The following WLS variants were observed in gnomAD, a reference collection of about 807,000 sequenced individuals.
WLS encodes protein wntless homolog.
Under a neutral mutation model 62.8 loss-of-function variants are expected in WLS, and 23 were observed. The observed-to-expected ratio is 0.37, with a 90% CI of 0.26 to 0.52. The LOEUF (loss-of-function observed/expected upper bound fraction) is 0.52, where lower values mean the gene tolerates loss of function less well. WLS is among the 20% of genes least tolerant of loss of function. The probability of loss-of-function intolerance (pLI) is 0.92; values close to 1 mark genes in which losing one functional copy is unlikely to be tolerated. For missense variants in WLS, 615 were observed against 697.3 expected, an observed-to-expected ratio of 0.88 and a Z score of 1.33; for synonymous variants, 246 against 244.1, an observed-to-expected ratio of 1.01 and a Z score of -0.07.
In WLS at chr1:68,145,941, C is replaced by G; in HGVS notation, c.1206G>C (p.Gln402His). ...GCTTCCCACTGATGTTCCGAAACAC[C>G]TGAAATACCATGAAGCATAGAAACA... ...YFLFLCFMVF[Q>H]VFRNISGKQS... The change falls in exon 9 of 12, where the codon CAG becomes CAC. Residue 402 changes from glutamine (Q) to histidine (H), a missense_variant. By Grantham distance (24) the Gln-to-His change is conservative (BLOSUM62 0). Coordinates refer to ENST00000262348, the MANE Select transcript of WLS (RefSeq NM_024911.7). 6.2e-7 allele frequency: 1 copy of G among 1,614,086 alleles called. No homozygotes were observed. The highest frequency in any genetic ancestry group is 1.1e-5 in the South Asian group (1 of 91,082).
At chr1:68,188,301 G>A (rs1570978661) in intron 2 of WLS, among the ~76,000 whole-genome samples, 1 of 152,198 alleles carries the variant, frequency 6.6e-6, no homozygotes, top group African/African-American at 2.4e-5. Flanking sequence ...TGAAGTGTGG[G>A]AGGGGAGGAA....
intron 11 of WLS, among the ~76,000 whole-genome samples, chr1:68,117,114 C>T (rs753317467): frequency 1.3e-5 from 2 of 152,028 alleles, no homozygotes; most frequent in African/African-American, 2.4e-5. Context: ...CTCCTTTCTC[C>T]GTTTTCTCTA....
intron 1 of WLS, among the ~76,000 whole-genome samples, chr1:68,209,648 C>A (rs528817338): frequency 6.6e-6 from 1 of 152,060 alleles, no homozygotes; most frequent in South Asian, 2.1e-4. Context: ...GGTGTGGTGG[C>A]GCATGCCTGT....
At position 68,155,147 on chromosome 1, in the gene WLS, C is replaced by CT. The variant is rs1336645508; in HGVS notation, c.617dup (p.Lys207GlufsTer86). The CT allele has an allele frequency of 6.2e-7, 1 of 1,614,042 alleles. No homozygotes were observed. The highest frequency in any genetic ancestry group is 1.7e-5 in the Admixed American group (1 of 60,006). On this transcript the variant is annotated frameshift_variant, in exon 4 of 12. Transcript: ENST00000262348. LOFTEE classifies it high-confidence loss of function. ...CCCCAATTCCCACATTGATTTTCTT[C>CT]TTCTCATTCACAGGCAGCCGGATGT...
intron 11 of WLS, among the ~76,000 whole-genome samples, chr1:68,109,659 TGAA>T (rs1399824171): frequency 2.6e-5 from 4 of 152,014 alleles, no homozygotes; most frequent in African/African-American, 4.8e-5. Context: ...AAAATAGAGT[TGAA>T]GAAATTAAAC....
At position 68,148,153 on chromosome 1, in the gene WLS, T is replaced by C. The variant is rs950142058; in HGVS notation, c.1117A>G (p.Ile373Val). The change falls in exon 8 of 12, where the codon ATT becomes GTT. Residue 373 changes from isoleucine to valine, a missense_variant. Ile to Val is a conservative substitution (Grantham distance 29). Transcript: ENST00000262348. ...AAGGATACGGCCAGCTCTGTTCCAATGTCTGTAGTCCAGATACTGTAGAAG... is the reference window on the plus strand; with the variant it reads ...AAGGATACGGCCAGCTCTGTTCCAACGTCTGTAGTCCAGATACTGTAGAAG... Reference protein sequence around the residue: ...NPFYSIWTTDIGTELAMAFII... With the variant: ...NPFYSIWTTDVGTELAMAFII... The C allele has an allele frequency of 5.6e-6, 9 of 1,614,086 alleles. No homozygotes were observed. Among genetic ancestry groups the C allele is most frequent in the African/African-American group, 2.7e-5 (2 of 74,932 alleles).
At chr1:68,105,734 T>G (rs1646134804) in intron 11 of WLS, among the ~76,000 whole-genome samples, 1 of 152,084 alleles carries the variant, frequency 6.6e-6, no homozygotes, top group Admixed American at 6.5e-5. Flanking sequence ...GGCCTCACAT[T>G]AAGGGAGCCA....
chr1:68,138,136 GCA>G (rs1646637405), intron 10 of WLS: 1 of 621,450 alleles, frequency 1.6e-6, no homozygotes. Context: ...TTTCTGTCAG[GCA>G]CAGTCAGTGG....
At chr1:68,140,004 A>G (rs1295126613) in intron 10 of WLS, among the ~76,000 whole-genome samples, 6 of 152,280 alleles carry the variant, frequency 3.9e-5, no homozygotes, top group African/African-American at 1.4e-4. Flanking sequence ...GTTAACACAA[A>G]TATTAGCAAA....
chr1:68,157,299 CTGAG>C (rs777848436), intron 3 of WLS, among the ~76,000 whole-genome samples: 20 of 152,238 alleles, frequency 1.3e-4, no homozygotes, highest in Non-Finnish European at 1.9e-4. Flanking sequence ...CCTGTCACTA[CTGAG>C]TGAGTAACAT....
At chr1:68,216,137 C>T (rs1649717225) in intron 1 of WLS, among the ~76,000 whole-genome samples, 1 of 152,196 alleles carries the variant, frequency 6.6e-6, no homozygotes, top group African/African-American at 2.4e-5. Context: ...ACAGTGATTT[C>T]TATCACAAGT....
At chr1:68,110,425 G>C (rs1309610741) in intron 11 of WLS, among the ~76,000 whole-genome samples, 2 of 151,054 alleles carry the variant, frequency 1.3e-5, no homozygotes, top group Non-Finnish European at 3.0e-5. Flanking sequence ...AAATTTTTCT[G>C]CAAAGAAAAT....
At chr1:68,151,034 AC>A (rs1646819001) in intron 5 of WLS, among the ~76,000 whole-genome samples, 2 of 152,142 alleles carry the variant, frequency 1.3e-5, no homozygotes, top group Non-Finnish European at 2.9e-5. Flanking sequence ...TTTTTCACTC[AC>A]GGGAGATACA....
At chr1:68,109,291 A>C (rs567325851) in intron 11 of WLS, among the ~76,000 whole-genome samples, 3 of 152,258 alleles carry the variant, frequency 2.0e-5, no homozygotes, top group Admixed American at 2.0e-4. Context: ...TCTCTGGAGA[A>C]AAGCTTCCTC....
At chr1:68,218,089 T>C (rs1238770967) in intron 1 of WLS, among the ~76,000 whole-genome samples, 2 of 152,126 alleles carry the variant, frequency 1.3e-5, no homozygotes, top group African/African-American at 4.8e-5. Flanking sequence ...AAAGTAAACA[T>C]ACAACTGGTA....
intron 2 of WLS, among the ~76,000 whole-genome samples, chr1:68,168,469 C>T (rs1368163997): frequency 1.3e-5 from 2 of 152,152 alleles, no homozygotes; most frequent in Non-Finnish European, 2.9e-5. Flanking sequence ...AGTCTGTTAA[C>T]CAATACCAGT....
intron 11 of WLS, among the ~76,000 whole-genome samples, chr1:68,106,457 C>T (rs1373663643): frequency 6.6e-6 from 1 of 152,186 alleles, no homozygotes; most frequent in Non-Finnish European, 1.5e-5. Flanking sequence ...GACAGCATCT[C>T]TGGGACACCA....
rs1046792 is a variant in WLS at position 68,125,636 on chromosome 1, T to C, written c.*590A>G. 6.1e-6 allele frequency: 6 copies of C among 985,392 alleles called. No homozygotes were observed. Among genetic ancestry groups the C allele is most frequent in the Non-Finnish European group, 7.2e-6 (6 of 830,034 alleles). 61.0% of individuals were successfully genotyped at this position (985,392 alleles called of 1,614,324 possible). A position where few individuals can be genotyped will look rare whatever the true frequency, so the allele number is the denominator to read the frequency against. ...GGTTTCAAAGCTGAAATACCCCTGG[T>C]GGAATAAATCTTCTCATGAAATTCA... On this transcript the variant is annotated 3_prime_UTR_variant, in exon 12 of 12. Coordinates refer to ENST00000262348, the MANE Select transcript of WLS (RefSeq NM_024911.7).
chr1:68,150,477 T>A, intron 5 of WLS, 121 bp from the exon 6 acceptor site: 1 of 1,342,950 alleles, frequency 7.4e-7, no homozygotes. Flanking sequence ...AGCCATATGA[T>A]CAATTTCTTC....
Sources: gnomAD v4.1 joint callset for allele counts (sites outside exome capture counted in the v4.1 genomes callset) on GRCh38, gnomAD v4.1.1 for gene constraint, MANE v1.5 for transcripts, NCBI Gene and HGNC (gene_info 2026-07-23, HGNC 2026-07-21) for gene names.